Variants in CCSER1 observed in about 807,000 individuals in gnomAD.
CCSER1 encodes serine-rich coiled-coil domain-containing protein 1.
A neutral mutation model predicts 82.0 loss-of-function variants in CCSER1; 41 were observed. That is an observed-to-expected ratio of 0.50 (90% confidence interval 0.39 to 0.65). The LOEUF (loss-of-function observed/expected upper bound fraction) is 0.65, where lower values mean the gene tolerates loss of function less well. Among genes scored for constraint, CCSER1 ranks in the 30% least tolerant of loss-of-function variants. CCSER1 has a pLI of 0.00. For missense variants in CCSER1, 1,119 were observed against 1,064.2 expected (o/e 1.05, Z -0.72); for synonymous variants, 414 against 383.9 (o/e 1.08, Z -0.92).
At chr4:91,392,927 C>T (rs1751751995) in intron 10 of CCSER1, among the ~76,000 whole-genome samples, 2 of 152,052 alleles carry the variant, frequency 1.3e-5, no homozygotes, top group Non-Finnish European at 2.9e-5. Context: ...GGCTAGGCCC[C>T]ACCCCTCGAG....
intron 10 of CCSER1, among the ~76,000 whole-genome samples, chr4:91,146,380 G>T (rs923447561): frequency 5.3e-5 from 8 of 151,980 alleles, no homozygotes; most frequent in Middle Eastern, 3.2e-3. Flanking sequence ...CTTGAATCTT[G>T]TTGATCTTCT....
rs750453212 is a variant in CCSER1 at position 91,253,379 on chromosome 4, ATTAG to A, written c.2217+167389_2217+167392del. Among the ~76,000 whole-genome samples, 10 of 152,316 alleles carry A rather than the reference ATTAG, an allele frequency of 6.6e-5. No homozygotes were observed. The East Asian group carries it at 7.7e-4, about 12-fold the overall frequency. ...GGTAAACTTTCGTCAAAAGTAAGCT[ATTAG>A]TTAAGTGTGTGGGGAGTCAAGATTC... is the stretch of plus-strand genomic sequence containing the variant. On this transcript the variant is annotated intron_variant, in intron 10 of 10. Transcript: ENST00000509176.
At chr4:91,437,889 G>A (rs1754780292) in intron 10 of CCSER1, among the ~76,000 whole-genome samples, 1 of 152,226 alleles carries the variant, frequency 6.6e-6, no homozygotes, top group Non-Finnish European at 1.5e-5. Flanking sequence ...TAGCACAGCA[G>A]TCTGAGATCA....
intron 7 of CCSER1, among the ~76,000 whole-genome samples, chr4:90,748,983 A>G (rs1748060248): frequency 6.7e-6 from 1 of 149,546 alleles, no homozygotes; most frequent in African/African-American, 2.5e-5. Flanking sequence ...CCCATTTTGT[A>G]GGTTGCCTGT....
intron 5 of CCSER1, among the ~76,000 whole-genome samples, chr4:90,520,431 T>G (rs1163798904): frequency 6.6e-6 from 1 of 152,196 alleles, no homozygotes; most frequent in Non-Finnish European, 1.5e-5. Context: ...GTTAATGTCA[T>G]CAGAACCTCA....
At chr4:90,915,463 A>G (rs1213989415) in intron 8 of CCSER1, among the ~76,000 whole-genome samples, 1 of 152,222 alleles carries the variant, frequency 6.6e-6, no homozygotes, top group Non-Finnish European at 1.5e-5. Flanking sequence ...AAAATTCAAC[A>G]ACACTTCATG....
At chr4:91,186,665 T>C (rs762729369) in intron 10 of CCSER1, among the ~76,000 whole-genome samples, 34 of 152,224 alleles carry the variant, frequency 2.2e-4, no homozygotes, top group Non-Finnish European at 4.7e-4. Context: ...ACCCACATAT[T>C]TATTAACAAC....
At chr4:90,689,730 G>A (rs1735473365) in intron 6 of CCSER1, among the ~76,000 whole-genome samples, 1 of 152,084 alleles carries the variant, frequency 6.6e-6, no homozygotes, top group Non-Finnish European at 1.5e-5. Context: ...GGAAATGAAC[G>A]ACAAAGAACC....
chr4:91,253,626 A>G (rs1316436454), intron 10 of CCSER1, among the ~76,000 whole-genome samples: 1 of 152,222 alleles, frequency 6.6e-6, no homozygotes, highest in Non-Finnish European at 1.5e-5. Context: ...TAGACTTAAC[A>G]ATAAGATATA....
intron 10 of CCSER1, among the ~76,000 whole-genome samples, chr4:91,490,249 C>A (rs1758445844): frequency 6.6e-6 from 1 of 152,066 alleles, no homozygotes; most frequent in Non-Finnish European, 1.5e-5. Context: ...GGTACATACC[C>A]CGAAGAAAGA....
intron 9 of CCSER1, among the ~76,000 whole-genome samples, chr4:91,038,496 G>A (rs1551772): frequency 0.41 from 62,471 of 151,982 alleles, 13,274 homozygotes; most frequent in East Asian, 0.64. Flanking sequence ...TATACCCTTG[G>A]TTTCAGAGGT....
intron 10 of CCSER1, among the ~76,000 whole-genome samples, chr4:91,183,518 C>G (rs1734240612): frequency 1.3e-5 from 2 of 152,152 alleles, no homozygotes; most frequent in South Asian, 4.1e-4. Context: ...TAAAAGCTTT[C>G]TGTATTTATG....
chr4:90,720,609 T>G (rs1038107739), intron 6 of CCSER1, among the ~76,000 whole-genome samples: 1 of 151,968 alleles, frequency 6.6e-6, no homozygotes, highest in Non-Finnish European at 1.5e-5. Flanking sequence ...CCAAAGAGGG[T>G]AACCTAAATT....
intron 10 of CCSER1, among the ~76,000 whole-genome samples, chr4:91,332,574 A>T (rs1357684284): frequency 2.2e-5 from 3 of 138,952 alleles, no homozygotes; most frequent in African/African-American, 5.9e-5. Context: ...ACTTTCAGAT[A>T]AAAAAAAAGG....
intron 8 of CCSER1, among the ~76,000 whole-genome samples, chr4:90,857,449 A>G (rs1401796410): frequency 6.6e-6 from 1 of 152,124 alleles, no homozygotes; most frequent in Non-Finnish European, 1.5e-5. Context: ...TGAGAGCAGG[A>G]CAGAAATCAC....
At chr4:90,767,561 G>A (rs1751434918) in intron 7 of CCSER1, among the ~76,000 whole-genome samples, 1 of 152,124 alleles carries the variant, frequency 6.6e-6, no homozygotes, top group African/African-American at 2.4e-5. Flanking sequence ...TCATTAACTG[G>A]ATCTAAGAAA....
chr4:90,193,078 G>A (rs1380508195), intron 1 of CCSER1, among the ~76,000 whole-genome samples: 3 of 152,042 alleles, frequency 2.0e-5, no homozygotes, highest in African/African-American at 7.2e-5. Flanking sequence ...GTAGCAACAT[G>A]TTATTTTCTA....
At chr4:91,337,270 A>G (rs2149283306) in intron 10 of CCSER1, among the ~76,000 whole-genome samples, 1 of 152,248 alleles carries the variant, frequency 6.6e-6, no homozygotes, top group South Asian at 2.1e-4. Context: ...TAACGCATGA[A>G]CATCCACCAT....
chr4:90,904,830 T>C (rs1489798201), intron 8 of CCSER1, among the ~76,000 whole-genome samples: 2 of 152,256 alleles, frequency 1.3e-5, no homozygotes, highest in Middle Eastern at 3.4e-3. Context: ...GCTTGGATGT[T>C]TCACAGTTAT....
Sources: allele counts gnomAD v4.1 joint callset (sites outside exome capture counted in the v4.1 genomes callset), GRCh38; gene constraint gnomAD v4.1.1; transcripts MANE v1.5; gene names NCBI Gene and HGNC (gene_info 2026-07-23, HGNC 2026-07-21).